The following BNC2 variants were observed in gnomAD, a reference collection of about 807,000 sequenced individuals.
The protein encoded by BNC2 is basonuclin zinc finger protein 2, also known as zinc finger protein basonuclin-2.
BNC2 carries 20 observed loss-of-function variants against 76.3 expected under a neutral mutation model. That is an observed-to-expected ratio of 0.26 (90% confidence interval 0.18 to 0.38). The LOEUF is 0.38. Ranked by LOEUF, BNC2 falls within the 10% of genes least tolerant of loss-of-function variation. The pLI is 1.00. For missense variants in BNC2, 1,382 were observed against 1,399.8 expected, an observed-to-expected ratio of 0.99 and a Z score of 0.20; for synonymous variants, 582 against 514.8, an observed-to-expected ratio of 1.13 and a Z score of -1.77.
chr9:16,800,651 G>A lies in BNC2; in HGVS notation c.4-62166C>T, dbSNP rs973559033. ...AAAAAGTACTCTTGTACTACTTATC[G>A]CTAAGTAAAGATAATTTTTAAATAA... is the stretch of plus-strand genomic sequence containing the variant. On this transcript the variant is annotated intron_variant, in intron 1 of 6. Transcript: ENST00000380672. 1.4e-4 allele frequency among the ~76,000 whole-genome samples: 21 copies of A among 151,818 alleles called. No individual in the cohort carries two copies. The East Asian group carries it at 1.6e-3, about 11-fold the overall frequency.
intron 1 of BNC2, among the ~76,000 whole-genome samples, chr9:16,839,529 T>C (rs1476707653): frequency 6.6e-6 from 1 of 152,236 alleles, no homozygotes; most frequent in Non-Finnish European, 1.5e-5. Flanking sequence ...TGAAAGGACC[T>C]ACTATGTTTG....
chr9:16,644,051 T>A (rs1821560107), intron 3 of BNC2, among the ~76,000 whole-genome samples: 1 of 152,294 alleles, frequency 6.6e-6, no homozygotes, highest in African/African-American at 2.4e-5. Flanking sequence ...TTTCAGGAAG[T>A]CAAAGCAGAG....
chr9:16,731,573 T>G (rs1824505280), intron 2 of BNC2, among the ~76,000 whole-genome samples: 1 of 152,208 alleles, frequency 6.6e-6, no homozygotes. Context: ...TGACTTCTGA[T>G]GTTGATGATG....
intron 1 of BNC2, among the ~76,000 whole-genome samples, chr9:16,807,771 TAGAA>T (rs1817948056): frequency 6.6e-6 from 1 of 152,234 alleles, no homozygotes; most frequent in Admixed American, 6.5e-5. Flanking sequence ...AAATTCCAGT[TAGAA>T]AGTGATTTCT....
At chr9:16,749,105 C>CAA (rs1308360636) in intron 1 of BNC2, among the ~76,000 whole-genome samples, 2 of 151,842 alleles carry the variant, frequency 1.3e-5, no homozygotes, top group East Asian at 3.9e-4. Context: ...CCAGGATGCT[C>CAA]AAAGCACAGT....
chr9:16,476,311 C>G (rs1233526851), intron 5 of BNC2: 1 of 152,194 alleles, frequency 6.6e-6, no homozygotes, highest in African/African-American at 2.4e-5. Context: ...AGGGGGAATG[C>G]GTATCTAAAC....
chr9:16,493,153 G>T (rs540537260), intron 5 of BNC2, among the ~76,000 whole-genome samples: 1 of 152,260 alleles, frequency 6.6e-6, no homozygotes, highest in African/African-American at 2.4e-5. Context: ...TACGCACGCA[G>T]AAAAAGCACT....
At chr9:16,558,574 T>A (rs750373177) in intron 4 of BNC2, among the ~76,000 whole-genome samples, 48 of 152,276 alleles carry the variant, frequency 3.2e-4, no homozygotes, top group Middle Eastern at 3.4e-3. Flanking sequence ...TCACATTCTG[T>A]AAGTTGGAAC....
chr9:16,810,875 CAT>C (rs1292801707), intron 1 of BNC2, among the ~76,000 whole-genome samples: 2 of 152,142 alleles, frequency 1.3e-5, no homozygotes. Context: ...TCTGAGCTGT[CAT>C]ATGAAATCTC....
chr9:16,858,049 T>C (rs1006795221), intron 1 of BNC2, among the ~76,000 whole-genome samples: 2 of 152,246 alleles, frequency 1.3e-5, no homozygotes, highest in East Asian at 1.9e-4. Flanking sequence ...TGGTTATTTA[T>C]ATAAAACTTC....
Position 16,511,060 on chromosome 9 carries a change from A to G in BNC2, c.669+41470T>C, listed in dbSNP as rs972829537. Among the ~76,000 whole-genome samples the G allele has an allele frequency of 2.0e-5, 3 of 151,924 alleles. No homozygotes were observed. The South Asian group carries it at 6.2e-4, about 32-fold the overall frequency. The stretch of plus-strand genomic sequence containing the variant: ...GGAATAGCCACTTAGCTTTTGTTTA[A>G]TATGAAATCTTTCTCAGAAAAGCTA... On this transcript the variant is annotated intron_variant, in intron 5 of 6. Coordinates refer to ENST00000380672, the MANE Select transcript of BNC2 (RefSeq NM_017637.6).
chr9:16,738,335 AG>A (rs765109880), intron 2 of BNC2, 24 bp downstream of exon 2: 3 of 1,489,174 alleles, frequency 2.0e-6, no homozygotes, highest in Admixed American at 2.1e-5. Flanking sequence ...AGTAACTTAA[AG>A]GGGGAAAAAA....
intron 3 of BNC2, among the ~76,000 whole-genome samples, chr9:16,614,283 C>CA (rs1274631228): frequency 8.1e-6 from 1 of 124,056 alleles, no homozygotes; most frequent in African/African-American, 2.8e-5. Context: ...ATATTACTGT[C>CA]ATAAAGACCT....
chr9:16,719,937 T>C (rs1325971340), intron 3 of BNC2, among the ~76,000 whole-genome samples: 3 of 152,174 alleles, frequency 2.0e-5, no homozygotes. Context: ...CGTGTAGAAG[T>C]CTAACTGCAC....
chr9:16,559,003 C>A (rs1818927817), intron 4 of BNC2, among the ~76,000 whole-genome samples: 1 of 151,592 alleles, frequency 6.6e-6, no homozygotes, highest in South Asian at 2.1e-4. Context: ...TAGTTCCAGG[C>A]TGAATGCAAT....
chr9:16,777,700 C>CA (rs3084426), intron 1 of BNC2, among the ~76,000 whole-genome samples: 3,086 of 100,364 alleles, frequency 0.031, 142 homozygotes, highest in African/African-American at 0.13. Context: ...GACTCCATCT[C>CA]AAAAAAAAAA....
At chr9:16,736,901 G>T (rs1023940984) in intron 2 of BNC2, among the ~76,000 whole-genome samples, 1 of 151,976 alleles carries the variant, frequency 6.6e-6, no homozygotes, top group African/African-American at 2.4e-5. Context: ...CCGCCTCCCA[G>T]ATTCAAGCAA....
At chr9:16,613,453 A>G (rs910302517) in intron 3 of BNC2, among the ~76,000 whole-genome samples, 1 of 152,230 alleles carries the variant, frequency 6.6e-6, no homozygotes, top group Non-Finnish European at 1.5e-5. Context: ...CATGTTATTG[A>G]AAATCACTGG....
chr9:16,624,923 CT>C (rs1358475884), intron 3 of BNC2, among the ~76,000 whole-genome samples: 2 of 152,180 alleles, frequency 1.3e-5, no homozygotes, highest in African/African-American at 4.8e-5. Flanking sequence ...CTAAACATAA[CT>C]ACTTCAACTG....
Sources: gnomAD v4.1 joint callset for allele counts (sites outside exome capture counted in the v4.1 genomes callset) on GRCh38, gnomAD v4.1.1 for gene constraint, MANE v1.5 for transcripts, NCBI Gene and HGNC (gene_info 2026-07-23, HGNC 2026-07-21) for gene names.